Variants in FKBP15 observed in about 807,000 individuals in gnomAD.
FKBP15 encodes the protein FK506-binding protein 15.
A neutral mutation model predicts 158.1 loss-of-function variants in FKBP15; 106 were observed. The observed-to-expected ratio is 0.67, with a 90% CI of 0.57 to 0.79. FKBP15 has a LOEUF of 0.79. Among genes scored for constraint, FKBP15 ranks in the 30% least tolerant of loss-of-function variants. FKBP15 has a pLI of 0.00. For synonymous variants in FKBP15, 547 were observed against 548.6 expected, an observed-to-expected ratio of 1.00 and a Z score of 0.04; for missense variants, 1,287 against 1,479.1, an observed-to-expected ratio of 0.87 and a Z score of 2.13.
rs899677045 is a variant in FKBP15 at position 113,193,650 on chromosome 9, A to C, written c.1008-101T>G. 6.3e-5 allele frequency: 60 copies of C among 945,482 alleles called. No individual in the cohort carries two copies. The East Asian group carries it at 1.6e-3, about 25-fold the overall frequency. The allele number at this position is 945,482 out of a possible 1,614,324, so 58.6% of individuals were successfully genotyped here. On this transcript the variant is annotated intron_variant, in intron 10 of 27. Transcript: ENST00000238256. ...AAATTGTTTTTTTAAATGTGTGCCAATTTAATGACTGTAAAACAGAATTTT... is the reference window on the plus strand; with the variant it reads ...AAATTGTTTTTTTAAATGTGTGCCACTTTAATGACTGTAAAACAGAATTTT...
In FKBP15 at chr9:113,169,768, T is replaced by A; in HGVS notation, c.2941A>T (p.Met981Leu). Residue 981 changes from methionine to leucine, a missense_variant, in exon 26 of 28, where the codon ATG becomes TTG. By Grantham distance (15) the Met-to-Leu change is conservative (BLOSUM62 2). Transcript: ENST00000238256. ...PLNRERPESP[M>L]VPSEQVVEEA... ...TCGACCACCTGCTCTGAGGGCACCA[T>A]GGGGGACTCTGGCCTCTCCCTATTC... 1.2e-6 allele frequency: 2 copies of A among 1,603,600 alleles called. No homozygotes were observed.
At chr9:113,204,925 T>C (rs1830859076) in intron 4 of FKBP15, among the ~76,000 whole-genome samples, 1 of 143,066 alleles carries the variant, frequency 7.0e-6, no homozygotes, top group African/African-American at 2.6e-5. Context: ...CCTTGTATGT[T>C]AACTGCAATA....
intron 23 of FKBP15, 95 bp downstream of exon 23, chr9:113,173,358 C>G (rs950781609): frequency 2.3e-6 from 3 of 1,321,204 alleles, no homozygotes; most frequent in Admixed American, 4.7e-5. Context: ...ATATTAATAA[C>G]TTTCAGGCTT....
In FKBP15 at chr9:113,164,804, T is replaced by C. The variant is rs1830072669; in HGVS notation, c.*1274A>G. On this transcript the variant is annotated 3_prime_UTR_variant, in exon 28 of 28. Transcript: ENST00000238256. ...AGTCTCAGTTTTCTCCTCTATAAAA[T>C]GGTGATAACACTGTCTTCTGCAGTG... is the stretch of plus-strand genomic sequence containing the variant. 6.6e-6 allele frequency: 1 copy of C among 152,208 alleles called. No homozygotes were observed. Among genetic ancestry groups the C allele is most frequent in the African/African-American group, 2.4e-5 (1 of 41,438 alleles). The allele number at this position is 152,208 out of a possible 1,614,324, so 9.4% of individuals were successfully genotyped here.
At chr9:113,173,246 C>T (rs903561832) in intron 23 of FKBP15, among the ~76,000 whole-genome samples, 1 of 152,202 alleles carries the variant, frequency 6.6e-6, no homozygotes, top group South Asian at 2.1e-4. Context: ...TGTTCCGGAA[C>T]ACTAGTGCTG....
rs1311748299 is a variant in FKBP15, at chr9:113,199,887, G to A, written c.575C>T (p.Pro192Leu). ...LSQDLIVADGPAVEVGDSLEV... is the reference protein window; with the variant it reads ...LSQDLIVADGLAVEVGDSLEV... ...CAAAGAATCTCCAACTTCTACAGCA[G>A]GGCCGTCTGCCACAATGAGGTCCTG... is the stretch of plus-strand genomic sequence containing the variant. The change falls in exon 7 of 28, where the codon CCT becomes CTT. Residue 192 changes from proline to leucine, a missense_variant. Transcript: ENST00000238256. 4 of 1,613,214 alleles carry A rather than the reference G, an allele frequency of 2.5e-6. No individual in the cohort carries two copies. The highest frequency in any genetic ancestry group is 3.4e-6 in the Non-Finnish European group (4 of 1,179,654).
rs1209325451 is a variant in FKBP15 at position 113,164,089 on chromosome 9, G to GGAATT, written c.*1984_*1988dup. ...GATGAAAAGATGGTTGTAAGCTTTG[G>GGAATT]GAATTAAAAACAAACAAATACATTT... is the stretch of plus-strand genomic sequence containing the variant. On this transcript the variant is annotated 3_prime_UTR_variant, in exon 28 of 28. Coordinates refer to ENST00000238256, the MANE Select transcript of FKBP15 (RefSeq NM_015258.2). 1 of 137,534 alleles carries GGAATT rather than the reference G, an allele frequency of 7.3e-6. No homozygotes were observed. Among genetic ancestry groups the GGAATT allele is most frequent in the African/African-American group, 2.7e-5 (1 of 37,090 alleles). The allele number at this position is 137,534 out of a possible 1,614,324, so 8.5% of individuals were successfully genotyped here.
chr9:113,220,049 T>C (rs1446071983), intron 1 of FKBP15, among the ~76,000 whole-genome samples: 2 of 152,248 alleles, frequency 1.3e-5, no homozygotes, highest in Admixed American at 1.3e-4. Context: ...GTCATTCATC[T>C]ATTAACTCAT....
chr9:113,188,345 G>A (rs773266131), intron 13 of FKBP15, 44 bp downstream of exon 13: 6 of 1,427,542 alleles, frequency 4.2e-6, no homozygotes, highest in Admixed American at 1.7e-5. Context: ...TAATTTTCAT[G>A]CTGACCCAGT....
At chr9:113,189,690 CT>C (rs949092476) in intron 12 of FKBP15, among the ~76,000 whole-genome samples, 3 of 152,008 alleles carry the variant, frequency 2.0e-5, no homozygotes, top group African/African-American at 7.2e-5. Flanking sequence ...GACCATCGCC[CT>C]TTCCTTGTTT....
Position 113,161,658 on chromosome 9 carries a change from G to T in FKBP15, c.*4420C>A. 1 of 1,614,012 alleles carries T rather than the reference G, an allele frequency of 6.2e-7. No individual in the cohort carries two copies. The highest frequency in any genetic ancestry group is 1.1e-5 in the South Asian group (1 of 91,082). On this transcript the variant is annotated 3_prime_UTR_variant, in exon 28 of 28. Transcript: ENST00000238256. The stretch of plus-strand genomic sequence containing the variant: ...CATCGCAGAGACAGACGGGGACTCT[G>T]CAGGCTCAGATTCATTCCCTGTTGG...
chr9:113,202,674 A>C, intron 5 of FKBP15, 45 bp from the exon 6 acceptor site: 2 of 1,446,524 alleles, frequency 1.4e-6, no homozygotes, highest in Non-Finnish European at 9.5e-7. Context: ...GCAGTATTAT[A>C]CCAGATAAAC....
At chr9:113,205,736 T>C (rs1476036174) in intron 4 of FKBP15, among the ~76,000 whole-genome samples, 2 of 152,210 alleles carry the variant, frequency 1.3e-5, no homozygotes, top group Non-Finnish European at 2.9e-5. Flanking sequence ...TTTTTTTGTC[T>C]ATTCCCAATA....
At chr9:113,171,490 A>G (rs1830207378) in intron 24 of FKBP15, 91 bp downstream of exon 24, 1 of 1,432,072 alleles carries the variant, frequency 7.0e-7, no homozygotes, top group Non-Finnish European at 9.4e-7. Flanking sequence ...CACTAAAGTT[A>G]GAAAAAGAGC....
intron 10 of FKBP15, 121 bp downstream of exon 10, chr9:113,193,906 A>G (rs919413951): frequency 8.0e-5 from 96 of 1,204,800 alleles, no homozygotes; most frequent in Middle Eastern, 2.4e-4. Flanking sequence ...CATTTCCCTG[A>G]TCCCATTTTT....
chr9:113,176,441 T>G, intron 21 of FKBP15, 96 bp downstream of exon 21: 1 of 1,325,800 alleles, frequency 7.5e-7, no homozygotes, highest in Non-Finnish European at 1.0e-6. Context: ...ATTATTTGTA[T>G]TTGTTACAAT....
At chr9:113,221,098 T>G in intron 1 of FKBP15, 93 bp downstream of exon 1, 1 of 1,371,710 alleles carries the variant, frequency 7.3e-7, no homozygotes, top group East Asian at 2.5e-5. Context: ...CCCCGGAAGT[T>G]GGGAAAAGGC....
chr9:113,161,113 C>CTCTGAG lies in FKBP15; in HGVS notation c.*4964_*4965insCTCAGA, dbSNP rs1830005227. 6.0e-6 allele frequency: 1 copy of CTCTGAG among 167,108 alleles called. No homozygotes were observed. The highest frequency in any genetic ancestry group is 2.4e-5 in the African/African-American group (1 of 41,734). The allele number at this position is 167,108 out of a possible 1,614,324, so 10.4% of individuals were successfully genotyped here. ...GAACATAAAAACCACCTGTATCCTACTTTGCTGAGATAACTATTACTCTTG... is the reference window on the plus strand; with the variant it reads ...GAACATAAAAACCACCTGTATCCTACTCTGAGTTTGCTGAGATAACTATTACTCTTG... On this transcript the variant is annotated 3_prime_UTR_variant, in exon 28 of 28. Transcript: ENST00000238256.
rs776649486 is a variant in FKBP15 at position 113,202,639 on chromosome 9, G to A, written c.400-10C>T. 1.3e-6 allele frequency: 2 copies of A among 1,547,158 alleles called. No homozygotes were observed. Among genetic ancestry groups the A allele is most frequent in the African/African-American group, 1.4e-5 (1 of 73,448 alleles). The stretch of plus-strand genomic sequence containing the variant: ...AGTTATTGGGCCGAACCTGGAGAAA[G>A]GAGAAATGTTAAATTCATCCACAAG... On this transcript the variant is annotated splice_polypyrimidine_tract_variant and intron_variant, in intron 5 of 27. Coordinates refer to ENST00000238256, the MANE Select transcript of FKBP15 (RefSeq NM_015258.2).
Sources: allele counts gnomAD v4.1 joint callset (sites outside exome capture counted in the v4.1 genomes callset), GRCh38; gene constraint gnomAD v4.1.1; transcripts MANE v1.5; gene names NCBI Gene and HGNC (gene_info 2026-07-23, HGNC 2026-07-21).